The following SEMA3A variants were observed in gnomAD, a reference collection of about 807,000 sequenced individuals.
SEMA3A encodes semaphorin 3A.
SEMA3A carries 29 observed loss-of-function variants against 97.9 expected under a neutral mutation model. The ratio of observed to expected loss-of-function variants is 0.30; its 90% CI spans 0.22 to 0.40. The LOEUF is 0.40. SEMA3A is among the 10% of genes least tolerant of loss of function. The pLI, the probability that SEMA3A is intolerant of heterozygous loss-of-function variation, is 1.00. For synonymous variants in SEMA3A, 321 were observed against 323.7 expected (o/e 0.99, Z 0.09); for missense variants, 763 against 951.3 (o/e 0.80, Z 2.60).
intron 5 of SEMA3A, among the ~76,000 whole-genome samples, chr7:84,050,419 T>C (rs1242574094): frequency 3.3e-5 from 5 of 152,072 alleles, no homozygotes; most frequent in African/African-American, 4.8e-5. Context: ...TGTGAGATGG[T>C]ATCTCATTGT....
chr7:84,125,893 A>G (rs1795779201), intron 3 of SEMA3A, among the ~76,000 whole-genome samples: 1 of 152,244 alleles, frequency 6.6e-6, no homozygotes, highest in Admixed American at 6.5e-5. Flanking sequence ...AATCAAATAA[A>G]GCTTCAGTTT....
chr7:84,430,543 C>T (rs905658550), intron 1 of SEMA3A, among the ~76,000 whole-genome samples: 2 of 151,858 alleles, frequency 1.3e-5, no homozygotes, highest in East Asian at 1.9e-4. Context: ...TCAGTTTAGA[C>T]ATGTACTTTT....
At chr7:84,200,975 C>T (rs1303068555) in intron 3 of SEMA3A, among the ~76,000 whole-genome samples, 1 of 151,798 alleles carries the variant, frequency 6.6e-6, no homozygotes, top group Non-Finnish European at 1.5e-5. Context: ...TCGGGTGTTT[C>T]AGGATATTAA....
intron 2 of SEMA3A, among the ~76,000 whole-genome samples, chr7:84,312,443 C>A (rs144311218): frequency 5.9e-5 from 9 of 151,544 alleles, no homozygotes; most frequent in African/African-American, 2.2e-4. Context: ...AACAACATTT[C>A]CCTTAGAAAA....
At chr7:84,358,502 G>A (rs1802629296) in intron 2 of SEMA3A, among the ~76,000 whole-genome samples, 1 of 152,138 alleles carries the variant, frequency 6.6e-6, no homozygotes, top group Non-Finnish European at 1.5e-5. Flanking sequence ...CTCTGTCTCT[G>A]TTTTGGTACC....
In SEMA3A at chr7:84,290,042, C is replaced by T. The variant is rs146719091; in HGVS notation, c.-83+17165G>A. On this transcript the variant is annotated intron_variant, in intron 3 of 3. Coordinates refer to the SEMA3A transcript ENST00000424555. ...AAATTATATAATTTCATTGATATGT[C>T]GATAGGCAAATCGATACAGGCAAGA... is the stretch of plus-strand genomic sequence containing the variant. Among the ~76,000 whole-genome samples, 481 of 152,078 alleles carry T rather than the reference C, an allele frequency of 3.2e-3. 2 individuals are homozygous for T. Among genetic ancestry groups the T allele is most frequent in the Middle Eastern group, 0.027 (8 of 294 alleles).
chr7:84,038,411 A>T (rs1323542660), intron 6 of SEMA3A, among the ~76,000 whole-genome samples: 4 of 152,066 alleles, frequency 2.6e-5, no homozygotes, highest in African/African-American at 7.2e-5. Context: ...CATCAATTGA[A>T]TTTTTTTATT....
intron 3 of SEMA3A, among the ~76,000 whole-genome samples, chr7:84,205,559 T>C (rs1798470685): frequency 1.3e-5 from 2 of 152,218 alleles, no homozygotes; most frequent in Non-Finnish European, 2.9e-5. Context: ...ACAATTCATG[T>C]CCATATTTAT....
intron 1 of SEMA3A, among the ~76,000 whole-genome samples, chr7:84,384,115 T>C (rs1434850468): frequency 1.3e-5 from 2 of 152,226 alleles, no homozygotes; most frequent in African/African-American, 2.4e-5. Flanking sequence ...GTCCTTTAAA[T>C]AACTCATTGG....
In SEMA3A at chr7:84,070,906, A is replaced by G. The variant is rs149919778; in HGVS notation, c.454-10348T>C. Among the ~76,000 whole-genome samples the G allele has an allele frequency of 4.0e-3, 609 of 152,198 alleles. 2 individuals are homozygous for G. The highest frequency in any genetic ancestry group is 0.014 in the African/African-American group (590 of 41,536). ...ATAATTAGTTAGTCTTCCTTTGCACATACTTGAATTAACAATAGTATACAG... is the reference window on the plus strand; with the variant it reads ...ATAATTAGTTAGTCTTCCTTTGCACGTACTTGAATTAACAATAGTATACAG... On this transcript the variant is annotated intron_variant, in intron 4 of 16. Coordinates refer to ENST00000265362, the MANE Select transcript of SEMA3A (RefSeq NM_006080.3).
At chr7:84,030,132 A>C (rs1261150967) in intron 6 of SEMA3A, among the ~76,000 whole-genome samples, 2 of 152,282 alleles carry the variant, frequency 1.3e-5, no homozygotes, top group South Asian at 4.1e-4. Flanking sequence ...ACTTGGATGA[A>C]GTAAACCAAG....
chr7:84,062,513 T>G (rs542889898), intron 4 of SEMA3A, among the ~76,000 whole-genome samples: 16 of 152,300 alleles, frequency 1.1e-4, no homozygotes, highest in African/African-American at 2.9e-4. Context: ...GGTACCGGGT[T>G]CACCTCACTA....
chr7:84,070,697 G>A (rs2115751420), intron 4 of SEMA3A, among the ~76,000 whole-genome samples: 1 of 152,040 alleles, frequency 6.6e-6, no homozygotes, highest in Non-Finnish European at 1.5e-5. Flanking sequence ...AAGACACTTT[G>A]TATGCCAGTT....
chr7:84,384,867 A>T (rs973671855), intron 1 of SEMA3A, among the ~76,000 whole-genome samples: 4 of 152,140 alleles, frequency 2.6e-5, no homozygotes, highest in Admixed American at 2.6e-4. Flanking sequence ...TGCAGATGAA[A>T]CAGTCTGCAA....
At chr7:84,468,634 G>C (rs1430108770) in intron 1 of SEMA3A, among the ~76,000 whole-genome samples, 3 of 152,098 alleles carry the variant, frequency 2.0e-5, no homozygotes, top group Non-Finnish European at 2.9e-5. Flanking sequence ...TATAAATTCT[G>C]AATGAGTAAA....
chr7:84,408,664 G>T (rs369405087), intron 1 of SEMA3A, among the ~76,000 whole-genome samples: 1 of 151,512 alleles, frequency 6.6e-6, no homozygotes, highest in Non-Finnish European at 1.5e-5. Flanking sequence ...CAATGATAGA[G>T]TGGATTAAGA....
At chr7:84,304,052 A>G (rs986857657) in intron 3 of SEMA3A, among the ~76,000 whole-genome samples, 1 of 151,890 alleles carries the variant, frequency 6.6e-6, no homozygotes, top group Admixed American at 6.6e-5. Flanking sequence ...TCTTTCACTC[A>G]CTCACTGAAG....
At chr7:84,368,901 C>T (rs1178296192) in intron 2 of SEMA3A, among the ~76,000 whole-genome samples, 4 of 150,748 alleles carry the variant, frequency 2.7e-5, no homozygotes, top group African/African-American at 4.9e-5. Context: ...AACTTGTATA[C>T]ATTTGTGTAT....
chr7:84,469,885 T>G (rs1395076028), intron 1 of SEMA3A, among the ~76,000 whole-genome samples: 1 of 151,950 alleles, frequency 6.6e-6, no homozygotes, highest in East Asian at 1.9e-4. Context: ...ATCATGTTGA[T>G]AGTTGGTTCT....
Sources: gnomAD v4.1 joint callset for allele counts (sites outside exome capture counted in the v4.1 genomes callset) on GRCh38, gnomAD v4.1.1 for gene constraint, MANE v1.5 for transcripts, NCBI Gene and HGNC (gene_info 2026-07-23, HGNC 2026-07-21) for gene names.